KCNN2: variants seen among roughly 807,000 people sequenced by gnomAD.
The protein encoded by KCNN2 is potassium calcium-activated channel subfamily N member 2.
KCNN2 carries 24 observed loss-of-function variants against 55.5 expected under a neutral mutation model. The observed-to-expected ratio is 0.43, with a 90% CI of 0.31 to 0.61. KCNN2 has a LOEUF of 0.61. KCNN2 is among the 20% of genes least tolerant of loss of function. The pLI is 0.08. For synonymous variants in KCNN2, 431 were observed against 336.1 expected, an observed-to-expected ratio of 1.28 and a Z score of -3.09; for missense variants, 754 against 853.6, an observed-to-expected ratio of 0.88 and a Z score of 1.45.
At chr5:114,405,894 T>C (rs1758915599) in intron 3 of KCNN2, among the ~76,000 whole-genome samples, 1 of 151,934 alleles carries the variant, frequency 6.6e-6, no homozygotes, top group African/African-American at 2.4e-5. Context: ...GTATTTTTAG[T>C]AGAGACGGGG....
At chr5:114,165,117 A>G (rs1432294586) in intron 1 of KCNN2, among the ~76,000 whole-genome samples, 2 of 152,200 alleles carry the variant, frequency 1.3e-5, no homozygotes, top group Non-Finnish European at 2.9e-5. Flanking sequence ...ACTGTTATAA[A>G]TAGTCAATCC....
At chr5:114,129,024 A>C (rs919559202) in intron 1 of KCNN2, among the ~76,000 whole-genome samples, 1 of 152,232 alleles carries the variant, frequency 6.6e-6, no homozygotes, top group African/African-American at 2.4e-5. Context: ...GGATTTAATA[A>C]AGGATAATTT....
chr5:114,214,831 G>A (rs1753969893), intron 1 of KCNN2, among the ~76,000 whole-genome samples: 2 of 152,192 alleles, frequency 1.3e-5, no homozygotes, highest in African/African-American at 2.4e-5. Flanking sequence ...TTCCCTGAGC[G>A]AAAATTTTAA....
chr5:114,339,891 G>A (rs1756986521), intron 2 of KCNN2, among the ~76,000 whole-genome samples: 1 of 152,102 alleles, frequency 6.6e-6, no homozygotes, highest in Non-Finnish European at 1.5e-5. Flanking sequence ...AGACCTCCAT[G>A]ACAACAGAAG....
At chr5:114,340,475 C>G (rs528690971) in intron 2 of KCNN2, among the ~76,000 whole-genome samples, 2 of 152,182 alleles carry the variant, frequency 1.3e-5, no homozygotes, top group East Asian at 3.9e-4. Context: ...GGTTAATTTA[C>G]TTTTTCAAGT....
At chr5:114,347,839 A>C (rs998833138) in intron 2 of KCNN2, among the ~76,000 whole-genome samples, 3 of 152,154 alleles carry the variant, frequency 2.0e-5, no homozygotes, top group Non-Finnish European at 4.4e-5. Context: ...CCTCACCTCT[A>C]AGTGACCCTA....
At chr5:114,163,302 C>A (rs932356518) in intron 1 of KCNN2, among the ~76,000 whole-genome samples, 1 of 152,118 alleles carries the variant, frequency 6.6e-6, no homozygotes, top group African/African-American at 2.4e-5. Flanking sequence ...TGCCTGATTG[C>A]CCTGGCCGGA....
intron 3 of KCNN2, among the ~76,000 whole-genome samples, chr5:114,462,638 A>C (rs943823491): frequency 3.3e-5 from 5 of 152,184 alleles, no homozygotes; most frequent in Admixed American, 1.3e-4. Context: ...AGGCCAGTCC[A>C]AGCAAAGGGA....
intron 2 of KCNN2, among the ~76,000 whole-genome samples, chr5:114,344,873 A>G (rs1757079808): frequency 6.6e-6 from 1 of 152,270 alleles, no homozygotes; most frequent in Non-Finnish European, 1.5e-5. Context: ...AGGAAAGTCA[A>G]GATAATCTAT....
At chr5:114,422,528 A>G (rs1364593140) in intron 3 of KCNN2, among the ~76,000 whole-genome samples, 1 of 152,232 alleles carries the variant, frequency 6.6e-6, no homozygotes, top group Non-Finnish European at 1.5e-5. Flanking sequence ...AGCTTATGGT[A>G]TTCTGATATA....
chr5:114,392,569 G>C (rs926418896), intron 2 of KCNN2, among the ~76,000 whole-genome samples: 1 of 152,138 alleles, frequency 6.6e-6, no homozygotes, highest in Admixed American at 6.5e-5. Flanking sequence ...GTTTTGCTCA[G>C]GATTGGTGAA....
intron 1 of KCNN2, among the ~76,000 whole-genome samples, chr5:114,113,445 TC>T (rs1352088143): frequency 6.6e-6 from 1 of 152,016 alleles, no homozygotes; most frequent in African/African-American, 2.4e-5. Flanking sequence ...AAAACTTTTT[TC>T]CTCTCCCTCT....
At chr5:114,475,024 T>A (rs974195892) in intron 5 of KCNN2, among the ~76,000 whole-genome samples, 12 of 152,184 alleles carry the variant, frequency 7.9e-5, no homozygotes, top group Admixed American at 7.9e-4. Context: ...AATATTACTT[T>A]GGAATATTGA....
intron 5 of KCNN2, among the ~76,000 whole-genome samples, chr5:114,478,826 T>C (rs900426206): frequency 6.6e-6 from 1 of 152,000 alleles, no homozygotes; most frequent in African/African-American, 2.4e-5. Context: ...GAATATAAGA[T>C]CCTTTCCAGA....
chr5:114,351,927 G>C (rs1757212188), intron 2 of KCNN2, among the ~76,000 whole-genome samples: 2 of 151,564 alleles, frequency 1.3e-5, no homozygotes, highest in African/African-American at 4.8e-5. Flanking sequence ...TTTGATATCA[G>C]GGTAATACTG....
chr5:114,222,441 C>G (rs1419945020), intron 2 of KCNN2, among the ~76,000 whole-genome samples: 1 of 152,086 alleles, frequency 6.6e-6, no homozygotes, highest in Non-Finnish European at 1.5e-5. Context: ...GAGGGCCTTC[C>G]CCAAAATACT....
At chr5:114,240,378 T>A (rs1216053142) in intron 2 of KCNN2, among the ~76,000 whole-genome samples, 3 of 151,416 alleles carry the variant, frequency 2.0e-5, no homozygotes, top group South Asian at 2.1e-4. Flanking sequence ...AAAAATCTAC[T>A]GTTAATATTA....
chr5:114,352,317 C>CT (rs1294311408), intron 2 of KCNN2, among the ~76,000 whole-genome samples: 1 of 150,388 alleles, frequency 6.6e-6, no homozygotes, highest in African/African-American at 2.4e-5. Flanking sequence ...CTTTCTCTTT[C>CT]TTTTTTTTTC....
chr5:114,104,140 T>G (rs1751432010), intron 1 of KCNN2, among the ~76,000 whole-genome samples: 1 of 152,170 alleles, frequency 6.6e-6, no homozygotes, highest in Non-Finnish European at 1.5e-5. Flanking sequence ...GACTTCTTTC[T>G]GGTTTAGTTT....
Sources: allele counts gnomAD v4.1 joint callset (sites outside exome capture counted in the v4.1 genomes callset), GRCh38; gene constraint gnomAD v4.1.1; transcripts MANE v1.5; gene names NCBI Gene and HGNC (gene_info 2026-07-23, HGNC 2026-07-21).